OSBPL8: variants seen among roughly 807,000 people sequenced by gnomAD.
OSBPL8 encodes oxysterol-binding protein-related protein 8.
A neutral mutation model predicts 125.5 loss-of-function variants in OSBPL8; 59 were observed. The ratio of observed to expected loss-of-function variants is 0.47; its 90% CI spans 0.38 to 0.58. OSBPL8 has a LOEUF of 0.58. OSBPL8 is among the 20% of genes least tolerant of loss of function. OSBPL8 has a pLI of 0.00. For missense variants in OSBPL8, 758 were observed against 1,047.8 expected, an observed-to-expected ratio of 0.72 and a Z score of 3.82; for synonymous variants, 330 against 338.9, an observed-to-expected ratio of 0.97 and a Z score of 0.29.
At chr12:76,402,893 C>T in intron 5 of OSBPL8, 127 bp from the exon 6 acceptor site, 1 of 666,360 alleles carries the variant, frequency 1.5e-6, no homozygotes, top group Admixed American at 3.0e-5. Flanking sequence ...TGTCAATTTT[C>T]AATAGAATTT....
At chr12:76,454,729 TAA>T (rs140485885) in intron 3 of OSBPL8, among the ~76,000 whole-genome samples, 126 of 117,068 alleles carry the variant, frequency 1.1e-3, no homozygotes, top group African/African-American at 2.4e-3. Context: ...TTTAAAAAAT[TAA>T]AAAAAAAAAA....
chr12:76,431,283 C>A (rs1163754153), intron 4 of OSBPL8, among the ~76,000 whole-genome samples: 1 of 141,084 alleles, frequency 7.1e-6, no homozygotes, highest in African/African-American at 2.6e-5. Flanking sequence ...AAGCACACCA[C>A]TGCCAAAAAA....
Position 76,386,646 on chromosome 12 carries a change from T to C in OSBPL8, c.1367A>G (p.Glu456Gly). ...ADFLSEAALEENPYFRLKKVV... is the reference protein window; with the variant it reads ...ADFLSEAALEGNPYFRLKKVV... The stretch of plus-strand genomic sequence containing the variant: ...TTTCTTCAAACGGAAATAAGGATTT[T>C]CTTCAAGAGCTGCCCTAAAACACAA... The change falls in exon 13 of 24, where the codon GAA becomes GGA. Residue 456 changes from glutamate to glycine, a missense_variant. Transcript: ENST00000261183. 6.2e-7 allele frequency: 1 copy of C among 1,605,216 alleles called. No individual in the cohort carries two copies. The highest frequency in any genetic ancestry group is 8.5e-7 in the Non-Finnish European group (1 of 1,175,488).
intron 4 of OSBPL8, among the ~76,000 whole-genome samples, chr12:76,429,945 C>G (rs1055941292): frequency 5.9e-5 from 9 of 151,896 alleles, no homozygotes; most frequent in African/African-American, 2.2e-4. Flanking sequence ...GATTCATGGT[C>G]TAGAAGGAGT....
chr12:76,359,002 T>G (rs1952096668), intron 21 of OSBPL8, among the ~76,000 whole-genome samples, 191 bp from the exon 22 acceptor site: 1 of 152,224 alleles, frequency 6.6e-6, no homozygotes. Context: ...TAATAGGAAG[T>G]ACTTTGGCAC....
At chr12:76,368,873 C>T (rs1190989746) in intron 21 of OSBPL8, among the ~76,000 whole-genome samples, 1 of 152,092 alleles carries the variant, frequency 6.6e-6, no homozygotes, top group Non-Finnish European at 1.5e-5. Context: ...GAACTAGGGA[C>T]TTACACTGGC....
chr12:76,399,839 A>C (rs1953975136), intron 7 of OSBPL8, 34 bp downstream of exon 7: 1 of 1,528,000 alleles, frequency 6.5e-7, no homozygotes, highest in Non-Finnish European at 8.8e-7. Flanking sequence ...GTAAACATCC[A>C]GCAATCTGAA....
chr12:76,556,715 G>A (rs866849195), intron 1 of OSBPL8, among the ~76,000 whole-genome samples: 3 of 152,340 alleles, frequency 2.0e-5, no homozygotes, highest in South Asian at 4.1e-4. Flanking sequence ...CCAGGCTGGA[G>A]TGCAATGGCA....
intron 1 of OSBPL8, among the ~76,000 whole-genome samples, chr12:76,527,731 G>C (rs1326748427): frequency 6.6e-6 from 1 of 152,118 alleles, no homozygotes; most frequent in Non-Finnish European, 1.5e-5. Flanking sequence ...AAAACATTGA[G>C]TTGCAATACA....
chr12:76,466,167 A>G (rs1229659468), intron 2 of OSBPL8, among the ~76,000 whole-genome samples: 1 of 152,190 alleles, frequency 6.6e-6, no homozygotes, highest in Non-Finnish European at 1.5e-5. Context: ...TATCAACAGT[A>G]GTTAACTTTA....
At chr12:76,429,468 T>C (rs1158550551) in intron 4 of OSBPL8, among the ~76,000 whole-genome samples, 2 of 145,140 alleles carry the variant, frequency 1.4e-5, no homozygotes, top group East Asian at 1.9e-4. Context: ...AAGTATTAAA[T>C]GTTATACGAA....
At chr12:76,512,065 T>C (rs964960993) in intron 1 of OSBPL8, among the ~76,000 whole-genome samples, 1 of 152,234 alleles carries the variant, frequency 6.6e-6, no homozygotes, top group African/African-American at 2.4e-5. Context: ...TATTATTACA[T>C]CACCCAGGTA....
chr12:76,434,274 A>G (rs767995227), intron 4 of OSBPL8, among the ~76,000 whole-genome samples: 1 of 152,212 alleles, frequency 6.6e-6, no homozygotes, highest in East Asian at 1.9e-4. Flanking sequence ...TCTTCAATAA[A>G]TGGTGGTGGA....
intron 4 of OSBPL8, among the ~76,000 whole-genome samples, chr12:76,415,100 C>G (rs1006410789): frequency 5.3e-5 from 8 of 152,160 alleles, no homozygotes; most frequent in Non-Finnish European, 1.0e-4. Flanking sequence ...TATACTAATA[C>G]TAGTGTTCTT....
intron 3 of OSBPL8, among the ~76,000 whole-genome samples, chr12:76,454,538 TA>T (rs1565910069): frequency 6.6e-6 from 1 of 150,610 alleles, no homozygotes; most frequent in Non-Finnish European, 1.5e-5. Flanking sequence ...AAATAAAAAT[TA>T]AAAAAAGTTA....
intron 8 of OSBPL8, 118 bp downstream of exon 8, chr12:76,397,576 A>G: frequency 9.7e-7 from 1 of 1,033,796 alleles, no homozygotes; most frequent in Non-Finnish European, 1.4e-6. Context: ...AATGCAATGG[A>G]AAGCAGAACA....
chr12:76,524,964 G>A lies in OSBPL8; in HGVS notation c.-68+34433C>T, dbSNP rs140855019. 5.3e-3 allele frequency among the ~76,000 whole-genome samples: 803 copies of A among 152,248 alleles called. 7 individuals are homozygous for A. Among genetic ancestry groups the A allele is most frequent in the African/African-American group, 0.018 (747 of 41,544 alleles). On this transcript the variant is annotated intron_variant, in intron 1 of 23. Transcript: ENST00000261183. ...CTCCCAAAGTGCTGGAATTACAGGC[G>A]TGAGCCACTGCGCCCAGCCATAATT...
chr12:76,488,160 G>C lies in OSBPL8; in HGVS notation c.-67-542C>G, dbSNP rs114987858. On this transcript the variant is annotated intron_variant, in intron 1 of 23. Transcript: ENST00000261183. The stretch of plus-strand genomic sequence containing the variant: ...GTAATAAATCTGATGAAAAAAACTA[G>C]AAACAACTTAAATGTTGATGGCTAG... Among the ~76,000 whole-genome samples, 444 of 152,054 alleles carry C rather than the reference G, an allele frequency of 2.9e-3. 2 individuals carry two copies. Among genetic ancestry groups the C allele is most frequent in the African/African-American group, 0.01 (427 of 41,476 alleles).
intron 17 of OSBPL8, 194 bp from the exon 18 acceptor site, chr12:76,373,627 AATAGG>A: frequency 4.2e-6 from 2 of 478,410 alleles, no homozygotes; most frequent in Non-Finnish European, 7.3e-6. Context: ...CTATGAAAAA[AATAGG>A]ATAAAACAAG....
Sources: gnomAD v4.1 joint callset for allele counts (sites outside exome capture counted in the v4.1 genomes callset) on GRCh38, gnomAD v4.1.1 for gene constraint, MANE v1.5 for transcripts, NCBI Gene and HGNC (gene_info 2026-07-23, HGNC 2026-07-21) for gene names.